The following RIPK1 variants were observed in gnomAD, a reference collection of about 807,000 sequenced individuals.
RIPK1 encodes receptor interacting serine/threonine kinase 1, also known as receptor-interacting serine/threonine-protein kinase 1.
In RIPK1, 27 loss-of-function variants were observed where a neutral mutation model predicts 62.4. The ratio of observed to expected loss-of-function variants is 0.43; its 90% CI spans 0.32 to 0.60. RIPK1 has a LOEUF of 0.60. Among genes scored for constraint, RIPK1 ranks in the 20% least tolerant of loss-of-function variants. The pLI is 0.07. For missense variants in RIPK1, 735 were observed against 831.0 expected (o/e 0.88, Z 1.42); for synonymous variants, 287 against 303.2 (o/e 0.95, Z 0.55).
intron 1 of RIPK1, among the ~76,000 whole-genome samples, chr6:3,073,844 TTTA>T (rs1448275935): frequency 1.8e-4 from 28 of 152,290 alleles, no homozygotes; most frequent in African/African-American, 6.7e-4. Context: ...CCTCCAACAT[TTTA>T]TTATGAAAAA....
At chr6:3,109,487 G>A (rs1761043714) in intron 9 of RIPK1, among the ~76,000 whole-genome samples, 1 of 152,140 alleles carries the variant, frequency 6.6e-6, no homozygotes, top group Non-Finnish European at 1.5e-5. Context: ...TACTGAACCT[G>A]AGAGGTTTGA....
At chr6:3,078,303 G>C (rs1399684575) in intron 3 of RIPK1, among the ~76,000 whole-genome samples, 1 of 152,126 alleles carries the variant, frequency 6.6e-6, no homozygotes, top group African/African-American at 2.4e-5. Context: ...AGACCAGCCT[G>C]GATAACACAG....
chr6:3,075,264 G>A (rs1287844258), intron 1 of RIPK1, among the ~76,000 whole-genome samples: 2 of 152,182 alleles, frequency 1.3e-5, no homozygotes, highest in Non-Finnish European at 2.9e-5. Flanking sequence ...TAGTTGTGTA[G>A]TGGTGTCTCC....
At position 3,076,779 on chromosome 6, in the gene RIPK1, G is replaced by C. The variant is rs1291759373; in HGVS notation, c.-45G>C. The C allele has an allele frequency of 6.2e-7, 1 of 1,601,622 alleles. No homozygotes were observed. Among genetic ancestry groups the C allele is most frequent in the Non-Finnish European group, 8.5e-7 (1 of 1,175,072 alleles). On this transcript the variant is annotated 5_prime_UTR_variant, in exon 2 of 11. Coordinates refer to ENST00000259808, the MANE Select transcript of RIPK1 (RefSeq NM_001354930.2). ...TTCTTTACAGGGTACAGCTCTGCCGGGGGGGGAAAAAGTGGTACCATTTTG... is the reference window on the plus strand; with the variant it reads ...TTCTTTACAGGGTACAGCTCTGCCGCGGGGGGAAAAAGTGGTACCATTTTG...
chr6:3,100,757 AT>A (rs1172108062), intron 7 of RIPK1, among the ~76,000 whole-genome samples: 4 of 151,166 alleles, frequency 2.6e-5, no homozygotes, highest in African/African-American at 9.7e-5. Context: ...CACCCAGCTA[AT>A]TTTTTTGTAC....
chr6:3,073,577 G>A (rs185781265), intron 1 of RIPK1, among the ~76,000 whole-genome samples: 256 of 151,936 alleles, frequency 1.7e-3, no homozygotes, highest in Middle Eastern at 3.4e-3. Context: ...CACTGCCCAC[G>A]TCCCACCGAT....
chr6:3,088,987 G>T (rs551885815), intron 6 of RIPK1, among the ~76,000 whole-genome samples: 1 of 152,132 alleles, frequency 6.6e-6, no homozygotes, highest in East Asian at 1.9e-4. Flanking sequence ...ACTCACTATC[G>T]TGTGTTTCAT....
chr6:3,112,593 C>G (rs1761218861), intron 10 of RIPK1, among the ~76,000 whole-genome samples: 1 of 152,206 alleles, frequency 6.6e-6, no homozygotes, highest in Non-Finnish European at 1.5e-5. Flanking sequence ...TACAGGGGCA[C>G]AGTCATGGCT....
At chr6:3,065,286 AAAAAAG>A, upstream of RIPK1, among the ~76,000 whole-genome samples, 1 of 150,064 alleles carries the variant, frequency 6.7e-6, no homozygotes, top group East Asian at 2.0e-4. Flanking sequence ...AAAAAAAAAA[AAAAAAG>A]ACACGGCTTT....
chr6:3,087,963 C>T (rs548643511), intron 6 of RIPK1, among the ~76,000 whole-genome samples: 23 of 152,134 alleles, frequency 1.5e-4, no homozygotes, highest in Admixed American at 9.8e-4. Flanking sequence ...TTAATTGAAT[C>T]GTTTTTATCA....
At chr6:3,083,498 G>C (rs1050208753) in intron 5 of RIPK1, among the ~76,000 whole-genome samples, 185 bp downstream of exon 5, 4 of 152,156 alleles carry the variant, frequency 2.6e-5, no homozygotes, top group Admixed American at 6.5e-5. Context: ...TGAAATTCCA[G>C]GGTTCTTCCT....
intron 6 of RIPK1, among the ~76,000 whole-genome samples, chr6:3,088,506 G>A (rs891667422): frequency 3.9e-5 from 6 of 152,208 alleles, no homozygotes; most frequent in South Asian, 2.1e-4. Flanking sequence ...GAGTGGAGGC[G>A]CTCATTATCA....
At chr6:3,112,894 A>G (rs1761237410) in intron 10 of RIPK1, among the ~76,000 whole-genome samples, 159 bp from the exon 11 acceptor site, 2 of 152,192 alleles carry the variant, frequency 1.3e-5, no homozygotes, top group Non-Finnish European at 2.9e-5. Flanking sequence ...CAGGCATGTG[A>G]AATGTCTGCC....
At chr6:3,108,634 C>T (rs930965267) in intron 9 of RIPK1, among the ~76,000 whole-genome samples, 5 of 152,130 alleles carry the variant, frequency 3.3e-5, no homozygotes, top group African/African-American at 9.7e-5. Flanking sequence ...GCTCAGTAAA[C>T]GGTAGCTGCT....
rs1489171621 is a variant in RIPK1, at chr6:3,072,640, C to G, written c.-61+3979C>G. 6.6e-6 allele frequency among the ~76,000 whole-genome samples: 1 copy of G among 152,112 alleles called. No individual in the cohort carries two copies. The highest frequency in any genetic ancestry group is 1.5e-5 in the Non-Finnish European group (1 of 68,030). On this transcript the variant is annotated intron_variant, in intron 1 of 10. Transcript: ENST00000259808. The surrounding 1 kb of genome is among the most constrained non-coding windows in gnomAD (Gnocchi z 5.6). ...GATGGTGCACAAGACAAGTTTCCTG[C>G]CTTCTGTGAACTTCATGAGAAATAA... is the stretch of plus-strand genomic sequence containing the variant.
chr6:3,112,320 G>A (rs148574878), intron 10 of RIPK1, among the ~76,000 whole-genome samples: 1 of 152,214 alleles, frequency 6.6e-6, no homozygotes, highest in African/African-American at 2.4e-5. Flanking sequence ...GGAGTTGAGC[G>A]GCTTTAACTC....
chr6:3,067,879 A>AT (rs1240298363), upstream of RIPK1, among the ~76,000 whole-genome samples: 1 of 151,770 alleles, frequency 6.6e-6, no homozygotes. Context: ...AGTAGCTGGG[A>AT]TTGCTGGTGC....
intron 7 of RIPK1, among the ~76,000 whole-genome samples, chr6:3,095,068 A>C (rs1311142311): frequency 1.3e-5 from 2 of 152,122 alleles, no homozygotes; most frequent in Non-Finnish European, 2.9e-5. Flanking sequence ...TGAGAAAAAA[A>C]AGAAAAAAAA....
Position 3,080,532 on chromosome 6 carries a change from C to T in RIPK1, c.322-447C>T, listed in dbSNP as rs139492868. Among the ~76,000 whole-genome samples, 21 of 152,226 alleles carry T rather than the reference C, an allele frequency of 1.4e-4. No homozygotes were observed. In the East Asian group the frequency reaches 1.5e-3, roughly 11 times the overall value. On this transcript the variant is annotated intron_variant, in intron 3 of 10. Transcript: ENST00000259808. ...TTTTTTCTCTTAATGTTATTTTACA[C>T]GCGACATTTGCATGGCATTGTTCAT... is the stretch of plus-strand genomic sequence containing the variant.
Sources: allele counts gnomAD v4.1 joint callset (sites outside exome capture counted in the v4.1 genomes callset), GRCh38; gene constraint gnomAD v4.1.1; non-coding constraint Gnocchi (gnomAD v3.1); transcripts MANE v1.5; gene names NCBI Gene and HGNC (gene_info 2026-07-23, HGNC 2026-07-21).